The following RASA1 variants were observed in gnomAD, a reference collection of about 807,000 sequenced individuals.
RASA1 encodes RAS p21 protein activator 1, also known as ras GTPase-activating protein 1.
RASA1 carries 25 observed loss-of-function variants against 132.2 expected under a neutral mutation model. That is an observed-to-expected ratio of 0.19 (90% confidence interval 0.14 to 0.26). The LOEUF (loss-of-function observed/expected upper bound fraction) is 0.26, where lower values mean the gene tolerates loss of function less well. RASA1 is among the 10% of genes least tolerant of loss of function. The pLI is 1.00. For missense variants in RASA1, 964 were observed against 1,299.2 expected (o/e 0.74, Z 3.97); for synonymous variants, 477 against 449.9 (o/e 1.06, Z -0.76).
chr5:87,302,924 G>A (rs924327332), intron 1 of RASA1, among the ~76,000 whole-genome samples: 1 of 152,052 alleles, frequency 6.6e-6, no homozygotes, highest in African/African-American at 2.4e-5. Context: ...GTATTTGCCT[G>A]TGTTTTTTTC....
chr5:87,331,934 C>T (rs1757630045), intron 2 of RASA1, among the ~76,000 whole-genome samples: 1 of 151,962 alleles, frequency 6.6e-6, no homozygotes, highest in Non-Finnish European at 1.5e-5. Flanking sequence ...TATAAATTTT[C>T]AAGTACAAAT....
Position 87,315,856 on chromosome 5 carries a change from G to T in RASA1, c.540-15492G>T, listed in dbSNP as rs971634744. 7.2e-5 allele frequency among the ~76,000 whole-genome samples: 11 copies of T among 152,132 alleles called. No individual in the cohort carries two copies. In the East Asian group the frequency reaches 2.1e-3, roughly 29 times the overall value. On this transcript the variant is annotated intron_variant, in intron 1 of 24. Coordinates refer to ENST00000274376, the MANE Select transcript of RASA1 (RefSeq NM_002890.3). ...AATGTTGATTTAAAGTACACTGCAG[G>T]TTTAAAAAGTTTAATTTCAAAAAAT...
At chr5:87,279,355 A>T (rs1408779582) in intron 1 of RASA1, among the ~76,000 whole-genome samples, 2 of 152,194 alleles carry the variant, frequency 1.3e-5, no homozygotes, top group Admixed American at 6.5e-5. Flanking sequence ...TTCATTGCTG[A>T]ATAGTAGTCC....
chr5:87,299,743 ATCT>A (rs1755279037), intron 1 of RASA1: 1 of 152,036 alleles, frequency 6.6e-6, no homozygotes, highest in Admixed American at 6.6e-5. Flanking sequence ...GGTCATATTG[ATCT>A]TTTCTCTATT....
intron 1 of RASA1, among the ~76,000 whole-genome samples, chr5:87,322,550 T>C (rs1179048345): frequency 6.6e-6 from 1 of 152,118 alleles, no homozygotes; most frequent in Admixed American, 6.5e-5. Flanking sequence ...CCCCCTTCTC[T>C]TGCTCTCTCT....
At chr5:87,361,823 A>T (rs1271635342) in intron 9 of RASA1, among the ~76,000 whole-genome samples, 1 of 152,060 alleles carries the variant, frequency 6.6e-6, no homozygotes, top group African/African-American at 2.4e-5. Flanking sequence ...ACCTAATATA[A>T]ATATGTTGCT....
chr5:87,376,205 CAG>C (rs1580385315), intron 15 of RASA1, 186 bp from the exon 16 acceptor site: 1 of 665,604 alleles, frequency 1.5e-6, no homozygotes, highest in Admixed American at 2.6e-5. Flanking sequence ...CTCTACCTAT[CAG>C]AGTTTAGTGC....
chr5:87,390,592 G>T (rs1762436786), intron 24 of RASA1, among the ~76,000 whole-genome samples: 1 of 152,054 alleles, frequency 6.6e-6, no homozygotes, highest in South Asian at 2.1e-4. Flanking sequence ...ACAAATTTCT[G>T]TTCACTTTAG....
intron 1 of RASA1, among the ~76,000 whole-genome samples, chr5:87,308,443 T>G (rs780193508): frequency 3.3e-5 from 5 of 152,112 alleles, no homozygotes; most frequent in African/African-American, 4.8e-5. Context: ...TGTGTTTTAT[T>G]TGTCTTTTCT....
chr5:87,323,162 C>T (rs752754719), intron 1 of RASA1, among the ~76,000 whole-genome samples: 3 of 151,998 alleles, frequency 2.0e-5, no homozygotes, highest in East Asian at 1.9e-4. Flanking sequence ...GGAAAAGGCA[C>T]GTAGAAAATG....
At chr5:87,288,565 A>G (rs1355671544) in intron 1 of RASA1, among the ~76,000 whole-genome samples, 2 of 152,162 alleles carry the variant, frequency 1.3e-5, no homozygotes, top group African/African-American at 2.4e-5. Context: ...GGACTCATGT[A>G]AAATGGAGCC....
At chr5:87,359,906 T>C (rs2112449113) in intron 9 of RASA1, among the ~76,000 whole-genome samples, 1 of 152,322 alleles carries the variant, frequency 6.6e-6, no homozygotes, top group African/African-American at 2.4e-5. Context: ...GTCTTTTCAA[T>C]GCAACTAACA....
chr5:87,352,995 A>C (rs779351431), intron 8 of RASA1, among the ~76,000 whole-genome samples, 162 bp from the exon 9 acceptor site: 25 of 152,168 alleles, frequency 1.6e-4, no homozygotes, highest in South Asian at 4.1e-4. Context: ...TTTCTAAAAT[A>C]ATATGAATGT....
At chr5:87,379,266 A>T (rs952799622) in intron 18 of RASA1, among the ~76,000 whole-genome samples, 2 of 152,212 alleles carry the variant, frequency 1.3e-5, no homozygotes, top group Non-Finnish European at 2.9e-5. Flanking sequence ...AGGATGACAC[A>T]GAAGTGCAGC....
At chr5:87,380,182 G>A (rs867224048) in intron 19 of RASA1, among the ~76,000 whole-genome samples, 2 of 152,198 alleles carry the variant, frequency 1.3e-5, no homozygotes, top group African/African-American at 2.4e-5. Context: ...TAATATGCTT[G>A]TCGGCCTCCA....
intron 1 of RASA1, among the ~76,000 whole-genome samples, chr5:87,309,010 T>A (rs1438603980): frequency 6.6e-6 from 1 of 152,142 alleles, no homozygotes; most frequent in African/African-American, 2.4e-5. Context: ...AATGTATATT[T>A]TCACAGAGGG....
intron 1 of RASA1, among the ~76,000 whole-genome samples, chr5:87,297,304 T>C (rs1306679235): frequency 6.6e-6 from 1 of 152,224 alleles, no homozygotes; most frequent in Non-Finnish European, 1.5e-5. Context: ...TTTTTGCCTT[T>C]TATTATGTCT....
intron 1 of RASA1, among the ~76,000 whole-genome samples, chr5:87,327,354 A>G (rs1305088806): frequency 6.6e-6 from 1 of 152,034 alleles, no homozygotes; most frequent in Non-Finnish European, 1.5e-5. Flanking sequence ...TCATTTTTGT[A>G]TTTTTCTTTA....
chr5:87,311,651 C>T (rs987116291), intron 1 of RASA1, among the ~76,000 whole-genome samples: 6 of 152,196 alleles, frequency 3.9e-5, no homozygotes, highest in Non-Finnish European at 8.8e-5. Context: ...TGTGACAACA[C>T]GTGTCAAGTA....
Sources: gnomAD v4.1 joint callset for allele counts (sites outside exome capture counted in the v4.1 genomes callset) on GRCh38, gnomAD v4.1.1 for gene constraint, MANE v1.5 for transcripts, NCBI Gene and HGNC (gene_info 2026-07-23, HGNC 2026-07-21) for gene names.